MYO1B: variants seen among roughly 807,000 people sequenced by gnomAD.
MYO1B encodes the protein myosin IB, also known as unconventional myosin-Ib.
Under a neutral mutation model 159.7 loss-of-function variants are expected in MYO1B, and 72 were observed. The ratio of observed to expected loss-of-function variants is 0.45; its 90% CI spans 0.37 to 0.55. MYO1B has a LOEUF of 0.55. Ranked by LOEUF, MYO1B falls within the 20% of genes least tolerant of loss-of-function variation. The probability of loss-of-function intolerance (pLI) is 0.00; values close to 1 mark genes in which losing one functional copy is unlikely to be tolerated. For missense variants in MYO1B, 1,062 were observed against 1,364.8 expected (o/e 0.78, Z 3.50); for synonymous variants, 468 against 473.8 (o/e 0.99, Z 0.16).
chr2:191,262,232 T>C (rs1686856504), intron 1 of MYO1B, among the ~76,000 whole-genome samples: 1 of 152,136 alleles, frequency 6.6e-6, no homozygotes, highest in East Asian at 1.9e-4. Context: ...AAGGCACTCT[T>C]TGGGGCAGAC....
intron 21 of MYO1B, among the ~76,000 whole-genome samples, chr2:191,398,370 G>A (rs1696318781): frequency 7.7e-6 from 1 of 130,010 alleles, no homozygotes; most frequent in East Asian, 2.1e-4. Context: ...GGGGCGGCTG[G>A]GCAGAGGAGC....
At position 191,381,463 on chromosome 2, in the gene MYO1B, A is replaced by G. The variant is rs781449840; in HGVS notation, c.1187A>G (p.Asp396Gly). The change falls in exon 14 of 31, where the codon GAC becomes GGC. Residue 396 changes from aspartate to glycine, a missense_variant and splice_region_variant. Transcript: ENST00000392318. ...LDIYGFEIFE[D>G]NSFEQFIINY... ...CTGTTTTTCATTTTCTCCATACAGG[A>G]CAACAGCTTTGAGCAGTTCATTATT... The G allele has an allele frequency of 1.2e-6, 2 of 1,612,506 alleles. No homozygotes were observed. Among genetic ancestry groups the G allele is most frequent in the South Asian group, 2.2e-5 (2 of 91,048 alleles).
At chr2:191,308,358 A>G (rs1689781349) in intron 3 of MYO1B, among the ~76,000 whole-genome samples, 1 of 152,154 alleles carries the variant, frequency 6.6e-6, no homozygotes, top group Non-Finnish European at 1.5e-5. Flanking sequence ...AAATACTCGA[A>G]TCCTGGCTTC....
rs953305038 is a variant in MYO1B at position 191,423,833 on chromosome 2, C to G, written c.3288-4C>G. ...CTTTAATTTGTTTTATTCTTTTCTC[C>G]TAGGTTCCTGGTACAGTTCAGACAG... On this transcript the variant is annotated splice_region_variant and splice_polypyrimidine_tract_variant and intron_variant, in intron 30 of 30. Coordinates refer to ENST00000392318, the MANE Select transcript of MYO1B (RefSeq NM_001130158.3). 1 of 1,602,416 alleles carries G rather than the reference C, an allele frequency of 6.2e-7. No individual in the cohort carries two copies. Among genetic ancestry groups the G allele is most frequent in the East Asian group, 2.2e-5 (1 of 44,808 alleles).
chr2:191,254,279 C>G (rs535060075), intron 1 of MYO1B, among the ~76,000 whole-genome samples: 1 of 152,120 alleles, frequency 6.6e-6, no homozygotes, highest in Non-Finnish European at 1.5e-5. Context: ...GTGGCATAAT[C>G]TTGGCTCACT....
chr2:191,300,942 G>A (rs1455009804), intron 3 of MYO1B, among the ~76,000 whole-genome samples: 3 of 152,104 alleles, frequency 2.0e-5, no homozygotes, highest in Non-Finnish European at 4.4e-5. Context: ...TCGTGGAAAT[G>A]TATAGATTGG....
At chr2:191,352,989 T>C (rs1054091407) in intron 7 of MYO1B, among the ~76,000 whole-genome samples, 1 of 152,214 alleles carries the variant, frequency 6.6e-6, no homozygotes, top group Non-Finnish European at 1.5e-5. Flanking sequence ...TGGCTAAAAC[T>C]CTTAACCTTG....
chr2:191,414,757 T>TC, intron 29 of MYO1B, 88 bp downstream of exon 29: 1 of 1,408,760 alleles, frequency 7.1e-7, no homozygotes, highest in Non-Finnish European at 9.4e-7. Context: ...TCGCAGTTTA[T>TC]ATATCTGCCT....
At chr2:191,279,997 G>A (rs1159476204) in intron 2 of MYO1B, among the ~76,000 whole-genome samples, 4 of 152,070 alleles carry the variant, frequency 2.6e-5, no homozygotes, top group Non-Finnish European at 4.4e-5. Flanking sequence ...TCTAAATCGG[G>A]GGGTTCAGTT....
intron 1 of MYO1B, among the ~76,000 whole-genome samples, chr2:191,251,090 T>TG (rs1238061155): frequency 6.6e-6 from 1 of 152,212 alleles, no homozygotes; most frequent in African/African-American, 2.4e-5. Flanking sequence ...TTCCCAGTCC[T>TG]GCGTCATTCT....
At chr2:191,247,425 T>G (rs910971173) in intron 1 of MYO1B, among the ~76,000 whole-genome samples, 2 of 152,182 alleles carry the variant, frequency 1.3e-5, no homozygotes, top group African/African-American at 4.8e-5. Flanking sequence ...GGAAAAGAGC[T>G]GTATAAGCTA....
intron 7 of MYO1B, among the ~76,000 whole-genome samples, chr2:191,350,696 A>G (rs1263643033): frequency 1.3e-5 from 2 of 152,094 alleles, no homozygotes; most frequent in African/African-American, 2.4e-5. Context: ...CTTCTCTTCC[A>G]GTGTATTTAA....
intron 3 of MYO1B, among the ~76,000 whole-genome samples, chr2:191,326,770 A>ATATATGTG (rs1175505917): frequency 1.4e-4 from 19 of 137,152 alleles, no homozygotes; most frequent in African/African-American, 4.6e-4. Context: ...GTTTGTATAT[A>ATATATGTG]TGTGTGTGTG....
intron 13 of MYO1B, among the ~76,000 whole-genome samples, chr2:191,373,071 C>T (rs1392892166): frequency 6.6e-6 from 1 of 151,736 alleles, no homozygotes; most frequent in Non-Finnish European, 1.5e-5. Context: ...AGGATGGTCT[C>T]GATCTTTTGA....
At chr2:191,260,254 C>CTTTGTTTTTTTTTTTTTTTTTTTTTTTT (rs757535238) in intron 1 of MYO1B, among the ~76,000 whole-genome samples, 1 of 60,962 alleles carries the variant, frequency 1.6e-5, no homozygotes, top group Non-Finnish European at 4.0e-5. Context: ...CCCAGATAGG[C>CTTTGTTTTTTTTTTTTTTTTTTTTTTTT]TTTTTTTTTT....
At chr2:191,298,422 G>T (rs531991682) in intron 3 of MYO1B, among the ~76,000 whole-genome samples, 32 of 152,234 alleles carry the variant, frequency 2.1e-4, no homozygotes, top group African/African-American at 7.2e-4. Context: ...AGTCCTCAAA[G>T]CCCCACTTCT....
Position 191,257,184 on chromosome 2 carries a change from C to T in MYO1B, c.-10+11558C>T, listed in dbSNP as rs944674956. ...CAAAATAAGTAAATATAACTTTTCACTCTCAGAAATCTAAATGAAGTTGCC... is the reference window on the plus strand; with the variant it reads ...CAAAATAAGTAAATATAACTTTTCATTCTCAGAAATCTAAATGAAGTTGCC... On this transcript the variant is annotated intron_variant, in intron 1 of 30. Coordinates refer to ENST00000392318, the MANE Select transcript of MYO1B (RefSeq NM_001130158.3). Among the ~76,000 whole-genome samples the T allele has an allele frequency of 2.6e-5, 4 of 152,200 alleles. No homozygotes were observed. In the East Asian group the frequency reaches 7.7e-4, roughly 29 times the overall value.
At chr2:191,358,222 T>C (rs1693426819) in intron 7 of MYO1B, among the ~76,000 whole-genome samples, 1 of 152,186 alleles carries the variant, frequency 6.6e-6, no homozygotes, top group Non-Finnish European at 1.5e-5. Flanking sequence ...TTCTCATTTG[T>C]AAAATAGGGA....
intron 3 of MYO1B, among the ~76,000 whole-genome samples, chr2:191,324,827 A>G (rs1416694696): frequency 6.6e-6 from 1 of 152,178 alleles, no homozygotes; most frequent in Non-Finnish European, 1.5e-5. Context: ...TTTTACCTTA[A>G]GATGTGATAA....
Sources: allele counts gnomAD v4.1 joint callset (sites outside exome capture counted in the v4.1 genomes callset), GRCh38; gene constraint gnomAD v4.1.1; transcripts MANE v1.5; gene names NCBI Gene and HGNC (gene_info 2026-07-23, HGNC 2026-07-21).